PLK1: variants seen among roughly 807,000 people sequenced by gnomAD.
The protein encoded by PLK1 is serine/threonine-protein kinase PLK1.
A neutral mutation model predicts 56.7 loss-of-function variants in PLK1; 6 were observed. The ratio of observed to expected loss-of-function variants is 0.11; its 90% CI spans 0.06 to 0.21. The LOEUF is 0.21. PLK1 is among the 10% of genes least tolerant of loss of function. The pLI is 1.00. For missense variants in PLK1, 546 were observed against 814.4 expected (o/e 0.67, Z 4.01); for synonymous variants, 298 against 325.0 (o/e 0.92, Z 0.89).
Position 23,687,539 on chromosome 16 carries a change from G to A in PLK1, c.1107G>A (p.Val369=), listed in dbSNP as rs1356932210. 1 of 1,604,838 alleles carries A rather than the reference G, an allele frequency of 6.2e-7. No individual in the cohort carries two copies. Among genetic ancestry groups the A allele is most frequent in the Non-Finnish European group, 8.5e-7 (1 of 1,174,862 alleles). Reference sequence around the variant, plus strand: ...CAGTGGTTCGAGAGACAGGTGAGGTGGTCGACTGCCACCTCAGTGACATGC... The same window carrying A: ...CAGTGGTTCGAGAGACAGGTGAGGTAGTCGACTGCCACCTCAGTGACATGC... ...EEPVVRETGE[V]VDCHLSDMLQ... Residue 369 remains valine, a synonymous_variant, in exon 6 of 10, where the codon GTG becomes GTA. Coordinates refer to ENST00000300093, the MANE Select transcript of PLK1 (RefSeq NM_005030.6).
Position 23,683,822 on chromosome 16 carries a change from C to T in PLK1, c.817-48C>T, listed in dbSNP as rs369344477. 8.1e-5 allele frequency: 117 copies of T among 1,440,844 alleles called. 1 individual carries two copies. Among genetic ancestry groups the T allele is most frequent in the Non-Finnish European group, 1.1e-4 (113 of 1,023,084 alleles). 89.3% of individuals were successfully genotyped at this position (1,440,844 alleles called of 1,614,324 possible). ...GCTCCTTTGAGGCCGTACTGTACTC[C>T]AGGTCCCCTTCACATTCTGCTTATG... On this transcript the variant is annotated intron_variant, in intron 4 of 9. Coordinates refer to ENST00000300093, the MANE Select transcript of PLK1 (RefSeq NM_005030.6).
chr16:23,679,400 G>C (rs757091537), intron 1 of PLK1, 60 bp downstream of exon 1: 16 of 1,501,616 alleles, frequency 1.1e-5, no homozygotes, highest in Middle Eastern at 3.6e-4. Context: ...GCCCAGACCT[G>C]GAGCTGCTGG....
intron 4 of PLK1, among the ~76,000 whole-genome samples, chr16:23,683,453 A>T (rs171617): frequency 0.2 from 29,920 of 152,062 alleles, 3,243 homozygotes; most frequent in East Asian, 0.43. Flanking sequence ...ACAAAGTGTC[A>T]GTTCACTGTC....
chr16:23,684,146 G>C, intron 5 of PLK1, 57 bp downstream of exon 5: 1 of 1,380,164 alleles, frequency 7.2e-7, no homozygotes, highest in Non-Finnish European at 1.0e-6. Flanking sequence ...CAGGTTGTAG[G>C]GGTGTGTGCA....
rs556090993 is a variant in PLK1 at position 23,685,313 on chromosome 16, C to T, written c.1036+1224C>T. 1.3e-4 allele frequency among the ~76,000 whole-genome samples: 20 copies of T among 152,136 alleles called. No individual in the cohort carries two copies. The South Asian group carries it at 4.2e-3, about 32-fold the overall frequency. On this transcript the variant is annotated intron_variant, in intron 5 of 9. Coordinates refer to ENST00000300093, the MANE Select transcript of PLK1 (RefSeq NM_005030.6). ...TTTTTGAGACAGGTCTCAGGACTTGCTGTCACCCAGGCTGGAATGCAGTGG... is the reference window on the plus strand; with the variant it reads ...TTTTTGAGACAGGTCTCAGGACTTGTTGTCACCCAGGCTGGAATGCAGTGG...
At chr16:23,686,070 G>C (rs1959422306) in intron 5 of PLK1, among the ~76,000 whole-genome samples, 1 of 152,108 alleles carries the variant, frequency 6.6e-6, no homozygotes, top group African/African-American at 2.4e-5. Flanking sequence ...ACAGGGTCTT[G>C]CTCTGTCTCC....
chr16:23,679,470 G>A (rs1397416325), intron 1 of PLK1, 130 bp downstream of exon 1: 2 of 825,412 alleles, frequency 2.4e-6, no homozygotes, highest in Non-Finnish European at 3.7e-6. Context: ...GGTGCTGGGA[G>A]CCTCCCGCTT....
At position 23,678,952 on chromosome 16, in the gene PLK1, C is replaced by T; in HGVS notation, c.20C>T (p.Ala7Val). ...GGGAGCATGAGTGCTGCAGTGACTG[C>T]AGGGAAGCTGGCACGGGCACCGGCC... MSAAVT[A>V]GKLARAPADP... Residue 7 changes from alanine to valine, a missense_variant, in exon 1 of 10, where the codon GCA becomes GTA. This residue lies in a region of PLK1 where 72 missense variants were observed against 63.7 expected (regional missense o/e 1.13). Transcript: ENST00000300093. 1 of 1,568,220 alleles carries T rather than the reference C, an allele frequency of 6.4e-7. No individual in the cohort carries two copies. The highest frequency in any genetic ancestry group is 8.6e-7 in the Non-Finnish European group (1 of 1,157,144).
At chr16:23,686,155 C>T (rs1959423938) in intron 5 of PLK1, among the ~76,000 whole-genome samples, 1 of 152,140 alleles carries the variant, frequency 6.6e-6, no homozygotes, top group Admixed American at 6.5e-5. Context: ...CCTCCAGCCT[C>T]AGCCTCCCAA....
chr16:23,683,677 C>T (rs1959376976), intron 4 of PLK1, among the ~76,000 whole-genome samples, 193 bp from the exon 5 acceptor site: 1 of 152,074 alleles, frequency 6.6e-6, no homozygotes, highest in African/African-American at 2.4e-5. Flanking sequence ...GTCCATTGAC[C>T]CTTCTGTCAA....
Position 23,680,141 on chromosome 16 carries a change from T to A in PLK1, c.466T>A (p.Tyr156Asn). 6.2e-7 allele frequency: 1 copy of A among 1,613,976 alleles called. No homozygotes were observed. The highest frequency in any genetic ancestry group is 8.5e-7 in the Non-Finnish European group (1 of 1,179,892). Residue 156 changes from tyrosine (Y) to asparagine (N), a missense_variant, in exon 2 of 10, where the codon TAC becomes AAC. Around this residue, in one of 7 missense-constraint regions of PLK1, gnomAD observed 111 missense variants for 211.8 expected, o/e 0.52. Coordinates refer to ENST00000300093, the MANE Select transcript of PLK1 (RefSeq NM_005030.6). ...CCTGACTGAGCCTGAGGCCCGATAC[T>A]ACCTACGGCAAATTGTGCTTGGCTG... ...KALTEPEARY[Y>N]LRQIVLGCQY...
In PLK1 at chr16:23,689,587, C is replaced by T. The variant is rs749324461; in HGVS notation, c.1519C>T (p.Arg507Trp). 6.2e-7 allele frequency: 1 copy of T among 1,613,618 alleles called. No homozygotes were observed. The highest frequency in any genetic ancestry group is 1.1e-5 in the South Asian group (1 of 91,088). The change falls in exon 9 of 10, where the codon CGG (arginine) becomes TGG (tryptophan). Residue 507 changes from arginine to tryptophan, a missense_variant. Arg to Trp is a moderately radical substitution (Grantham distance 101). Transcript: ENST00000300093. This position sits in a 1 kb window ranked among gnomAD's most constrained non-coding sequence, Gnocchi z 4.8. ...GCCGCGCGAAGGTGATGAGCTCGCC[C>T]GGCTGCCCTACCTACGGACCTGGTT... ...ITPREGDELA[R>W]LPYLRTWFRT...
chr16:23,683,990 C>A lies in PLK1; in HGVS notation c.937C>A (p.Arg313Ser). Residue 313 changes from arginine to serine, a missense_variant, in exon 5 of 10, where the codon CGT (arginine) becomes AGT (serine). Around this residue, in one of 7 missense-constraint regions of PLK1, gnomAD observed 157 missense variants for 184.0 expected, o/e 0.85. Transcript: ENST00000300093. Reference protein sequence around the residue: ...EFFTSGYIPARLPITCLTIPP... With the variant: ...EFFTSGYIPASLPITCLTIPP... ...CTTTACTTCTGGCTATATCCCTGCCCGTCTCCCCATCACCTGCCTGACCAT... is the reference window on the plus strand; with the variant it reads ...CTTTACTTCTGGCTATATCCCTGCCAGTCTCCCCATCACCTGCCTGACCAT... The A allele has an allele frequency of 6.2e-7, 1 of 1,614,176 alleles. No homozygotes were observed. Among genetic ancestry groups the A allele is most frequent in the Non-Finnish European group, 8.5e-7 (1 of 1,180,016 alleles).
Position 23,682,128 on chromosome 16 carries a change from A to T in PLK1, c.787A>T (p.Ile263Phe). ...TTGCCTAAAAGAGACCTACCTCCGG[A>T]TCAAGAAGAATGAATACAGTATTCC... Reference protein sequence around the residue: ...TSCLKETYLRIKKNEYSIPKH... With the variant: ...TSCLKETYLRFKKNEYSIPKH... The change falls in exon 4 of 10, where the codon ATC (isoleucine) becomes TTC (phenylalanine). Residue 263 changes from isoleucine to phenylalanine, a missense_variant. By Grantham distance (21) the Ile-to-Phe change is conservative (BLOSUM62 0). Transcript: ENST00000300093. 6.3e-7 allele frequency: 1 copy of T among 1,594,188 alleles called. No homozygotes were observed.
chr16:23,679,682 C>T (rs1959300738), intron 1 of PLK1: 2 of 283,424 alleles, frequency 7.1e-6, no homozygotes, highest in South Asian at 1.7e-4. Flanking sequence ...GATGCCGCGC[C>T]CTGGGAGCTT....
chr16:23,682,001 G>A lies in PLK1; in HGVS notation c.723-63G>A, dbSNP rs772535794. 7 of 883,206 alleles carry A rather than the reference G, an allele frequency of 7.9e-6. No individual in the cohort carries two copies. The Admixed American group carries it at 1.2e-4, about 16-fold the overall frequency. 54.7% of individuals were successfully genotyped at this position (883,206 alleles called of 1,614,324 possible). On this transcript the variant is annotated intron_variant, in intron 3 of 9. Coordinates refer to ENST00000300093, the MANE Select transcript of PLK1 (RefSeq NM_005030.6). ...CTGACCTTTGTTCTGACCCTGAGAT[G>A]ATTTCTCTCATGTCTGGGTTGTGGC... is the stretch of plus-strand genomic sequence containing the variant.
At chr16:23,687,429 C>A in intron 5 of PLK1, 40 bp from the exon 6 acceptor site, 1 of 1,496,862 alleles carries the variant, frequency 6.7e-7, no homozygotes, top group Admixed American at 2.0e-5. Flanking sequence ...AGGGGAGTCC[C>A]GTGCCCTTCC....
In PLK1 at chr16:23,689,603, G is replaced by A. The variant is rs149623133; in HGVS notation, c.1535G>A (p.Arg512Gln). 1.5e-4 allele frequency: 237 copies of A among 1,613,290 alleles called. 1 individual carries two copies. The African/African-American group carries it at 1.6e-3, about 11-fold the overall frequency. The change falls in exon 9 of 10, where the codon CGG (arginine) becomes CAG (glutamine). Residue 512 changes from arginine (R) to glutamine (Q), a missense_variant. Arg to Gln is a conservative substitution (Grantham distance 43). Coordinates refer to ENST00000300093, the MANE Select transcript of PLK1 (RefSeq NM_005030.6). The surrounding 1 kb of genome is among the most constrained non-coding windows in gnomAD (Gnocchi z 4.8). ...GAGCTCGCCCGGCTGCCCTACCTAC[G>A]GACCTGGTTCCGCACCCGCAGCGCC... Reference protein sequence around the residue: ...GDELARLPYLRTWFRTRSAII... With the variant: ...GDELARLPYLQTWFRTRSAII...
intron 5 of PLK1, among the ~76,000 whole-genome samples, chr16:23,686,826 A>C (rs539970057): frequency 6.6e-6 from 1 of 152,304 alleles, no homozygotes; most frequent in South Asian, 2.1e-4. Flanking sequence ...CTAATATCTT[A>C]TTATTTCATA....
Sources: gnomAD v4.1 joint callset for allele counts (sites outside exome capture counted in the v4.1 genomes callset) on GRCh38, gnomAD v4.1.1 for gene constraint, gnomAD v4.1.1 regional missense constraint, Gnocchi (gnomAD v3.1) non-coding constraint, MANE v1.5 for transcripts, NCBI Gene and HGNC (gene_info 2026-07-23, HGNC 2026-07-21) for gene names.